Variants in AK9 observed in about 807,000 individuals in gnomAD.
AK9 encodes adenylate kinase domain containing 1.
AK9 carries 191 observed loss-of-function variants against 239.6 expected under a neutral mutation model. The observed-to-expected ratio is 0.80, with a 90% CI of 0.71 to 0.90. AK9 has a LOEUF of 0.90. Among genes scored for constraint, AK9 ranks in the 40% least tolerant of loss-of-function variants. AK9 has a pLI of 0.00. For synonymous variants in AK9, 689 were observed against 721.0 expected (o/e 0.96, Z 0.71); for missense variants, 1,995 against 2,214.7 (o/e 0.90, Z 1.99).
At chr6:109,507,387 G>A (rs1255147916) in intron 33 of AK9, among the ~76,000 whole-genome samples, 2 of 152,054 alleles carry the variant, frequency 1.3e-5, no homozygotes, top group African/African-American at 4.8e-5. Context: ...TGTAGTAAAT[G>A]CTCTGTGAGG....
chr6:109,592,894 A>G (rs1261672851), intron 17 of AK9, among the ~76,000 whole-genome samples: 1 of 151,948 alleles, frequency 6.6e-6, no homozygotes, highest in Non-Finnish European at 1.5e-5. Context: ...TGATCTTCTT[A>G]TATCTGGCTG....
chr6:109,499,274 TA>T (rs1777364915), intron 35 of AK9, 34 bp from the exon 36 acceptor site: 17 of 1,368,284 alleles, frequency 1.2e-5, no homozygotes, highest in East Asian at 2.7e-5. Flanking sequence ...ATCATGTATA[TA>T]TTTTTCATAG....
rs1325558212 is a variant in AK9, at chr6:109,515,873, T to C, written c.4049A>G (p.Tyr1350Cys). 6.4e-7 allele frequency: 1 copy of C among 1,551,390 alleles called. No homozygotes were observed. ...TGAAATTACCTTTACAGGGTCCCAATAGCCGAATGAGCTTATATACTTGTA... is the reference window on the plus strand; with the variant it reads ...TGAAATTACCTTTACAGGGTCCCAACAGCCGAATGAGCTTATATACTTGTA... The part of the protein sequence containing the change: ...FTYKYISSFG[Y>C]WDPVKLSEGE... Residue 1350 changes from tyrosine (Y) to cysteine (C), a missense_variant, in exon 31 of 41, where the codon TAT becomes TGT. Physicochemically the swap from Tyr to Cys is radical, Grantham distance 194 (BLOSUM62 -2). Around this residue, in one of 5 missense-constraint regions of AK9, gnomAD observed 1,290 missense variants for 1,392.7 expected, o/e 0.93. Coordinates refer to ENST00000424296, the MANE Select transcript of AK9 (RefSeq NM_001145128.3).
intron 26 of AK9, among the ~76,000 whole-genome samples, chr6:109,542,998 A>T (rs1483774289): frequency 1.3e-5 from 2 of 152,144 alleles, no homozygotes; most frequent in Non-Finnish European, 2.9e-5. Flanking sequence ...TTTGTTATTT[A>T]TATTATAATT....
chr6:109,589,114 A>G (rs1789892645), intron 17 of AK9, among the ~76,000 whole-genome samples: 1 of 152,130 alleles, frequency 6.6e-6, no homozygotes, highest in Admixed American at 6.5e-5. Context: ...TTCTGTGAAG[A>G]ATGACATTGG....
chr6:109,521,897 T>C (rs1200041983), intron 29 of AK9, among the ~76,000 whole-genome samples: 1 of 152,028 alleles, frequency 6.6e-6, no homozygotes, highest in Non-Finnish European at 1.5e-5. Flanking sequence ...TCGTTTGTTT[T>C]ATTGTTGTTT....
At chr6:109,496,338 TC>T (rs1365190953) in intron 38 of AK9, among the ~76,000 whole-genome samples, 1 of 152,192 alleles carries the variant, frequency 6.6e-6, no homozygotes, top group African/African-American at 2.4e-5. Flanking sequence ...TTGCCTCAGG[TC>T]CCTCGCCTCC....
intron 19 of AK9, 148 bp from the exon 20 acceptor site, chr6:109,579,774 G>A (rs1788583546): frequency 2.9e-6 from 2 of 687,732 alleles, no homozygotes; most frequent in Non-Finnish European, 4.4e-6. Flanking sequence ...CTCATGTTGA[G>A]ACTAGTTACT....
At chr6:109,653,039 G>T (rs1033531428) in intron 8 of AK9, among the ~76,000 whole-genome samples, 1 of 152,058 alleles carries the variant, frequency 6.6e-6, no homozygotes. Flanking sequence ...TGAGTCTCCT[G>T]CCTCAGCCTC....
chr6:109,565,922 G>C (rs1413233466), intron 21 of AK9, among the ~76,000 whole-genome samples: 2 of 152,102 alleles, frequency 1.3e-5, no homozygotes, highest in South Asian at 2.1e-4. Context: ...AAGTAGAAGG[G>C]GACAAGCCTG....
Position 109,672,035 on chromosome 6 carries a change from T to A in AK9, c.235-20A>T. 1 of 1,612,942 alleles carries A rather than the reference T, an allele frequency of 6.2e-7. No homozygotes were observed. The highest frequency in any genetic ancestry group is 8.5e-7 in the Non-Finnish European group (1 of 1,179,058). On this transcript the variant is annotated intron_variant, in intron 4 of 40. Transcript: ENST00000424296. ...TTGCAACTAAGGACAAGCATAGATA[T>A]TGTACATTACTGTATAATATATCTA...
At chr6:109,537,749 T>C (rs1429712127) in intron 27 of AK9, among the ~76,000 whole-genome samples, 3 of 152,108 alleles carry the variant, frequency 2.0e-5, no homozygotes, top group South Asian at 2.1e-4. Flanking sequence ...TTTAGTGCTA[T>C]AAATTTCCCT....
In AK9 at chr6:109,607,090, T is replaced by C. The variant is rs190370391; in HGVS notation, c.1842+3275A>G. On this transcript the variant is annotated intron_variant, in intron 17 of 40. Transcript: ENST00000424296. ...TGTGAGCTTCAGACAAAAAGCAATT[T>C]AATGGGAGGCACAGTTTTTAAAATG... Among the ~76,000 whole-genome samples the C allele has an allele frequency of 2.0e-3, 311 of 152,294 alleles. 2 individuals are homozygous for C. Among genetic ancestry groups the C allele is most frequent in the Admixed American group, 3.6e-3 (55 of 15,290 alleles).
intron 13 of AK9, among the ~76,000 whole-genome samples, chr6:109,614,860 A>T (rs1441978565): frequency 6.6e-6 from 1 of 152,186 alleles, no homozygotes; most frequent in Non-Finnish European, 1.5e-5. Context: ...TATTGAGGCA[A>T]ACTTCAACAG....
rs534657608 is a variant in AK9 at position 109,683,111 on chromosome 6, T to A, written c.-11-7355A>T. Among the ~76,000 whole-genome samples, 423 of 152,246 alleles carry A rather than the reference T, an allele frequency of 2.8e-3. 1 individual carries two copies. Among genetic ancestry groups the A allele is most frequent in the African/African-American group, 9.7e-3 (404 of 41,540 alleles). On this transcript the variant is annotated intron_variant, in intron 1 of 40. Coordinates refer to ENST00000424296, the MANE Select transcript of AK9 (RefSeq NM_001145128.3). ...GGTTCAACATATGCAAATCAATAAA[T>A]GTAATCCATCACATAAATAGAACCA...
At chr6:109,592,192 A>T (rs1175077696) in intron 17 of AK9, among the ~76,000 whole-genome samples, 1 of 152,130 alleles carries the variant, frequency 6.6e-6, no homozygotes, top group Non-Finnish European at 1.5e-5. Context: ...ACTACTAAAA[A>T]CAGAATTCTA....
chr6:109,651,548 A>T (rs1798950213), intron 8 of AK9, among the ~76,000 whole-genome samples: 1 of 152,226 alleles, frequency 6.6e-6, no homozygotes, highest in African/African-American at 2.4e-5. Flanking sequence ...AGCTAGCAGA[A>T]GGCAAGAAAT....
chr6:109,595,408 G>A (rs929832733), intron 17 of AK9, among the ~76,000 whole-genome samples: 6 of 152,214 alleles, frequency 3.9e-5, no homozygotes, highest in African/African-American at 1.4e-4. Context: ...TGGTGGGAGT[G>A]TAAATTAGTT....
intron 1 of AK9, among the ~76,000 whole-genome samples, chr6:109,690,827 A>C (rs1583607981): frequency 6.6e-6 from 1 of 152,154 alleles, no homozygotes; most frequent in East Asian, 1.9e-4. Context: ...CTCACGCACA[A>C]ACGTGTGGCA....
Sources: gnomAD v4.1 joint callset for allele counts (sites outside exome capture counted in the v4.1 genomes callset) on GRCh38, gnomAD v4.1.1 for gene constraint, gnomAD v4.1.1 regional missense constraint, MANE v1.5 for transcripts, NCBI Gene and HGNC (gene_info 2026-07-23, HGNC 2026-07-21) for gene names.